SLC39A11: variants seen among roughly 807,000 people sequenced by gnomAD.
The protein encoded by SLC39A11 is zinc transporter ZIP11.
In SLC39A11, 33 loss-of-function variants were observed where a neutral mutation model predicts 36.1. That is an observed-to-expected ratio of 0.91 (90% CI 0.69 to 1.22). The LOEUF (loss-of-function observed/expected upper bound fraction) is 1.22. SLC39A11 is among the 50% of genes most tolerant of loss of function. The probability of loss-of-function intolerance (pLI) is 0.00; values close to 1 mark genes in which losing one functional copy is unlikely to be tolerated. For missense variants in SLC39A11, 432 were observed against 430.3 expected (o/e 1.00, Z -0.03); for synonymous variants, 166 against 170.3 (o/e 0.97, Z 0.20).
intron 4 of SLC39A11, among the ~76,000 whole-genome samples, chr17:73,030,622 C>T (rs538901427): frequency 3.9e-5 from 6 of 152,338 alleles, no homozygotes; most frequent in Admixed American, 1.3e-4. Flanking sequence ...CCCTGCACCA[C>T]TTCCCTTTCT....
At chr17:72,893,837 G>A (rs2081888994) in intron 5 of SLC39A11, among the ~76,000 whole-genome samples, 1 of 152,150 alleles carries the variant, frequency 6.6e-6, no homozygotes, top group African/African-American at 2.4e-5. Context: ...GAGAAAGTTA[G>A]TGAGTTCTCC....
rs2074452633 is a variant in SLC39A11, at chr17:72,736,866, A to G, written c.602-147T>C. 7 of 696,330 alleles carry G rather than the reference A, an allele frequency of 1.0e-5. No homozygotes were observed. The East Asian group carries it at 1.6e-4, about 15-fold the overall frequency. 43.1% of individuals were successfully genotyped at this position (696,330 alleles called of 1,614,324 possible). On this transcript the variant is annotated intron_variant, in intron 6 of 9. Coordinates refer to ENST00000255559, the MANE Select transcript of SLC39A11 (RefSeq NM_139177.4). ...ACAGCAGCTTAAACCCAGGGAAACT[A>G]AGTCATGGGGGCCAAATGGCTGCTG...
chr17:72,735,665 T>C (rs1042571984), intron 7 of SLC39A11, among the ~76,000 whole-genome samples: 2 of 152,196 alleles, frequency 1.3e-5, no homozygotes, highest in African/African-American at 4.8e-5. Flanking sequence ...CACCTGACTG[T>C]CTCCACCCAT....
At chr17:72,721,163 C>A (rs1178718809) in intron 7 of SLC39A11, among the ~76,000 whole-genome samples, 1 of 150,610 alleles carries the variant, frequency 6.6e-6, no homozygotes, top group Non-Finnish European at 1.5e-5. Flanking sequence ...GCAGCGCGAT[C>A]TCGGCTCACT....
chr17:72,786,953 GGGA>G (rs10545652), intron 6 of SLC39A11, among the ~76,000 whole-genome samples: 11,154 of 152,120 alleles, frequency 0.073, 422 homozygotes, highest in African/African-American at 0.087. Flanking sequence ...CCAGGTAGCT[GGGA>G]TTACAGGCAC....
At chr17:72,995,499 G>T (rs912269820) in intron 4 of SLC39A11, among the ~76,000 whole-genome samples, 1 of 152,232 alleles carries the variant, frequency 6.6e-6, no homozygotes, top group Admixed American at 6.5e-5. Flanking sequence ...TGTGAGGGTG[G>T]TTCCAAAAGA....
chr17:72,947,684 C>A (rs1400883352), intron 5 of SLC39A11, 68 bp downstream of exon 5: 1 of 1,608,446 alleles, frequency 6.2e-7, no homozygotes, highest in Non-Finnish European at 8.5e-7. Flanking sequence ...CCAGCCCCCA[C>A]GTCCATATTG....
At chr17:73,054,912 A>G (rs2059619805) in intron 3 of SLC39A11, among the ~76,000 whole-genome samples, 1 of 152,138 alleles carries the variant, frequency 6.6e-6, no homozygotes, top group South Asian at 2.1e-4. Flanking sequence ...GAAATTAAGA[A>G]GCAAAAAAAT....
chr17:72,900,040 G>GAGAGAGAGAGAA (rs2082254523), intron 5 of SLC39A11, among the ~76,000 whole-genome samples: 1 of 115,284 alleles, frequency 8.7e-6, no homozygotes, highest in Non-Finnish European at 1.8e-5. Context: ...GAGAGAAAGA[G>GAGAGAGAGAGAA]AGAGAGAAAG....
intron 6 of SLC39A11, among the ~76,000 whole-genome samples, chr17:72,771,442 G>C (rs1229317108): frequency 1.3e-5 from 2 of 152,014 alleles, no homozygotes; most frequent in African/African-American, 4.8e-5. Flanking sequence ...GAGTCACTTC[G>C]TGCCTCGTGT....
At chr17:72,956,008 A>T (rs2086230688) in intron 4 of SLC39A11, among the ~76,000 whole-genome samples, 1 of 152,104 alleles carries the variant, frequency 6.6e-6, no homozygotes, top group African/African-American at 2.4e-5. Context: ...ATGACTCCCC[A>T]GTGAAAGCTT....
chr17:72,717,200 GA>G (rs961211067), intron 7 of SLC39A11, among the ~76,000 whole-genome samples: 4 of 150,130 alleles, frequency 2.7e-5, no homozygotes, highest in African/African-American at 9.8e-5. Context: ...TTAAAAAGAG[GA>G]AAAAAAAGTG....
chr17:72,750,212 C>A (rs946300809), intron 6 of SLC39A11, among the ~76,000 whole-genome samples: 32 of 152,134 alleles, frequency 2.1e-4, no homozygotes, highest in African/African-American at 7.0e-4. Context: ...GGCCACTGAT[C>A]CCTGCTATTC....
At chr17:72,754,218 T>C (rs2075282744) in intron 6 of SLC39A11, among the ~76,000 whole-genome samples, 1 of 151,942 alleles carries the variant, frequency 6.6e-6, no homozygotes, top group Non-Finnish European at 1.5e-5. Context: ...CATCATATGT[T>C]CTCACTCATA....
At chr17:72,776,364 T>C (rs1328383129) in intron 6 of SLC39A11, among the ~76,000 whole-genome samples, 1 of 152,182 alleles carries the variant, frequency 6.6e-6, no homozygotes, top group African/African-American at 2.4e-5. Context: ...TCCTAATAAA[T>C]TGTTTTGCCA....
chr17:73,002,871 A>G (rs952194082), intron 4 of SLC39A11, among the ~76,000 whole-genome samples: 13 of 152,204 alleles, frequency 8.5e-5, no homozygotes, highest in African/African-American at 3.1e-4. Context: ...CCTCCCTCCA[A>G]TTCAGCCTCT....
At chr17:72,900,149 AAAGAAAAGAAAG>A (rs1308669583) in intron 5 of SLC39A11, among the ~76,000 whole-genome samples, 10,403 of 114,004 alleles carry the variant, frequency 0.091, 1,453 homozygotes, top group African/African-American at 0.1. Context: ...AAAAAGAAAG[AAAGAAAAGAAAG>A]AAAGAAAGAA....
chr17:72,854,548 T>A (rs748370798), intron 5 of SLC39A11, among the ~76,000 whole-genome samples: 1 of 151,978 alleles, frequency 6.6e-6, no homozygotes, highest in African/African-American at 2.4e-5. Context: ...TTTCTAAGCA[T>A]AAAGTAATTG....
intron 4 of SLC39A11, among the ~76,000 whole-genome samples, chr17:73,027,515 G>C (rs1470849191): frequency 1.3e-5 from 2 of 152,332 alleles, no homozygotes; most frequent in East Asian, 1.9e-4. Context: ...ACCCAGTTTG[G>C]AGAGGAACTT....
Sources: gnomAD v4.1 joint callset for allele counts (sites outside exome capture counted in the v4.1 genomes callset) on GRCh38, gnomAD v4.1.1 for gene constraint, MANE v1.5 for transcripts, NCBI Gene and HGNC (gene_info 2026-07-23, HGNC 2026-07-21) for gene names.